PTPRD: variants seen among roughly 807,000 people sequenced by gnomAD.
The protein encoded by PTPRD is protein tyrosine phosphatase receptor type D.
A neutral mutation model predicts 214.5 loss-of-function variants in PTPRD; 34 were observed. The ratio of observed to expected loss-of-function variants is 0.16; its 90% CI spans 0.12 to 0.21. PTPRD has a LOEUF of 0.21. Among genes scored for constraint, PTPRD ranks in the 10% least tolerant of loss-of-function variants. The pLI is 1.00. For synonymous variants in PTPRD, 1,128 were observed against 845.7 expected, an observed-to-expected ratio of 1.33 and a Z score of -5.79; for missense variants, 2,545 against 2,398.7, an observed-to-expected ratio of 1.06 and a Z score of -1.27.
At chr9:9,004,533 G>A (rs944329503) in intron 11 of PTPRD, among the ~76,000 whole-genome samples, 2 of 151,762 alleles carry the variant, frequency 1.3e-5, no homozygotes, top group African/African-American at 4.8e-5. Context: ...CGGAATGATT[G>A]CATCCCATTT....
intron 7 of PTPRD, among the ~76,000 whole-genome samples, chr9:9,695,758 C>T (rs766122792): frequency 2.0e-5 from 3 of 152,076 alleles, no homozygotes; most frequent in Non-Finnish European, 2.9e-5. Flanking sequence ...CCTATATGAT[C>T]ATGGTGATAG....
At chr9:8,507,853 C>G (rs896663860) in intron 21 of PTPRD, among the ~76,000 whole-genome samples, 4 of 152,154 alleles carry the variant, frequency 2.6e-5, no homozygotes, top group African/African-American at 7.2e-5. Context: ...CTCTCTAGCA[C>G]TACATGTAAC....
rs148190347 is a variant in PTPRD at position 8,410,498 on chromosome 9, A to C, written c.4087-5838T>G. ...TCCAATTAGTTATCAAATCTTACTG[A>C]GTCTCTCTCTGTAAGAGCACCTCTG... On this transcript the variant is annotated intron_variant, in intron 35 of 45. Transcript: ENST00000381196. 8.8e-3 allele frequency among the ~76,000 whole-genome samples: 1,337 copies of C among 152,244 alleles called. 24 individuals carry two copies. The highest frequency in any genetic ancestry group is 0.031 in the African/African-American group (1,270 of 41,528).
chr9:8,672,872 G>A (rs1283450193), intron 12 of PTPRD, among the ~76,000 whole-genome samples: 2 of 151,588 alleles, frequency 1.3e-5, no homozygotes, highest in African/African-American at 4.8e-5. Context: ...GTATGTGGGG[G>A]TGTATTTTTA....
At chr9:9,208,846 C>T (rs10977576) in intron 9 of PTPRD, among the ~76,000 whole-genome samples, 15,649 of 151,440 alleles carry the variant, frequency 0.1, 905 homozygotes, top group Non-Finnish European at 0.13. Context: ...CTCGCTCTGT[C>T]GCCAAAGCTG....
At chr9:9,354,735 G>T (rs1470002988) in intron 9 of PTPRD, among the ~76,000 whole-genome samples, 1 of 151,778 alleles carries the variant, frequency 6.6e-6, no homozygotes, top group Admixed American at 6.6e-5. Context: ...TATCAGCAAG[G>T]GATTAGGTAA....
chr9:9,266,390 A>C (rs1306570223), intron 9 of PTPRD, among the ~76,000 whole-genome samples: 2 of 151,444 alleles, frequency 1.3e-5, no homozygotes, highest in Non-Finnish European at 3.0e-5. Context: ...TACATTTTAG[A>C]CCAAGTAGAC....
At chr9:10,595,945 T>C (rs2133132170) in intron 2 of PTPRD, among the ~76,000 whole-genome samples, 1 of 151,934 alleles carries the variant, frequency 6.6e-6, no homozygotes, top group Non-Finnish European at 1.5e-5. Flanking sequence ...TGTCATTGCC[T>C]CCACCCTTTA....
At chr9:9,585,045 C>T (rs2091687072) in intron 7 of PTPRD, among the ~76,000 whole-genome samples, 1 of 152,090 alleles carries the variant, frequency 6.6e-6, no homozygotes, top group African/African-American at 2.4e-5. Context: ...CTTCTTCTTT[C>T]ATAAAATTCT....
At chr9:9,340,225 C>T (rs1346906975) in intron 9 of PTPRD, among the ~76,000 whole-genome samples, 1 of 152,058 alleles carries the variant, frequency 6.6e-6, no homozygotes, top group Non-Finnish European at 1.5e-5. Flanking sequence ...TGGATAAATG[C>T]CTCCCGTTTA....
intron 11 of PTPRD, among the ~76,000 whole-genome samples, chr9:8,902,917 G>A (rs2098681675): frequency 6.6e-6 from 1 of 152,122 alleles, no homozygotes; most frequent in Non-Finnish European, 1.5e-5. Context: ...TAGTAATGAA[G>A]GGCTTAGGTG....
At chr9:9,797,386 A>T (rs1300920001) in intron 5 of PTPRD, among the ~76,000 whole-genome samples, 2 of 151,680 alleles carry the variant, frequency 1.3e-5, no homozygotes, top group African/African-American at 2.4e-5. Context: ...CAAATTTATA[A>T]AATTTAAGAA....
At chr9:8,916,936 A>G (rs2098790220) in intron 11 of PTPRD, among the ~76,000 whole-genome samples, 1 of 152,190 alleles carries the variant, frequency 6.6e-6, no homozygotes, top group Non-Finnish European at 1.5e-5. Context: ...CAAACAGTGC[A>G]CATAAACCAC....
intron 2 of PTPRD, among the ~76,000 whole-genome samples, chr9:10,553,956 T>G (rs1271877572): frequency 6.6e-6 from 1 of 152,200 alleles, no homozygotes; most frequent in African/African-American, 2.4e-5. Context: ...TGTTTTTAAT[T>G]TTTTCTACCA....
intron 3 of PTPRD, among the ~76,000 whole-genome samples, chr9:10,093,514 T>C (rs2098453250): frequency 2.0e-5 from 3 of 151,516 alleles, no homozygotes. Flanking sequence ...CCAAATTAGT[T>C]CAGCCACTAT....
intron 10 of PTPRD, among the ~76,000 whole-genome samples, chr9:9,181,750 G>A (rs2099928361): frequency 6.6e-6 from 1 of 151,938 alleles, no homozygotes; most frequent in Admixed American, 6.6e-5. Context: ...GAATTGGTCT[G>A]TCTTGAAGAA....
intron 8 of PTPRD, among the ~76,000 whole-genome samples, chr9:9,487,750 T>C (rs1386956239): frequency 1.3e-5 from 2 of 152,170 alleles, no homozygotes; most frequent in African/African-American, 4.8e-5. Context: ...ATATAGACTT[T>C]GATTCTTTAC....
rs7863060 is a variant in PTPRD, at chr9:8,485,686, T to C, written c.3055+76A>G. On this transcript the variant is annotated intron_variant, in intron 28 of 45. Coordinates refer to ENST00000381196, the MANE Select transcript of PTPRD (RefSeq NM_002839.4). Reference sequence around the variant, plus strand: ...TTAATATGAATGGGCTGATCAGTTATTATAGCTTCAAAATACTGATTTCCA... The same window carrying C: ...TTAATATGAATGGGCTGATCAGTTACTATAGCTTCAAAATACTGATTTCCA... 128,019 of 1,304,220 alleles carry C rather than the reference T, an allele frequency of 0.098. 6,709 individuals carry two copies. The highest frequency in any genetic ancestry group is 0.17 in the East Asian group (6,940 of 41,632). The allele number at this position is 1,304,220 out of a possible 1,614,324, so 80.8% of individuals were successfully genotyped here.
At chr9:9,144,683 G>C (rs1283897639) in intron 10 of PTPRD, among the ~76,000 whole-genome samples, 1 of 152,062 alleles carries the variant, frequency 6.6e-6, no homozygotes, top group Non-Finnish European at 1.5e-5. Flanking sequence ...AACCTGGGAG[G>C]GGGAGGTTGC....
Sources: gnomAD v4.1 joint callset for allele counts (sites outside exome capture counted in the v4.1 genomes callset) on GRCh38, gnomAD v4.1.1 for gene constraint, MANE v1.5 for transcripts, NCBI Gene and HGNC (gene_info 2026-07-23, HGNC 2026-07-21) for gene names.